The following L3MBTL4 variants were observed in gnomAD, a reference collection of about 807,000 sequenced individuals.
L3MBTL4 encodes the protein L3MBTL histone methyl-lysine binding protein 4.
In L3MBTL4, 70 loss-of-function variants were observed where a neutral mutation model predicts 84.5. That is an observed-to-expected ratio of 0.83 (90% confidence interval 0.68 to 1.01). The LOEUF (loss-of-function observed/expected upper bound fraction) is 1.01. L3MBTL4 is among the 50% of genes least tolerant of loss of function. L3MBTL4 has a pLI of 0.00. For synonymous variants in L3MBTL4, 274 were observed against 259.8 expected, an observed-to-expected ratio of 1.05 and a Z score of -0.52; for missense variants, 715 against 754.8, an observed-to-expected ratio of 0.95 and a Z score of 0.62.
At chr18:6,193,971 T>C (rs114784976) in intron 12 of L3MBTL4, among the ~76,000 whole-genome samples, 1,982 of 152,290 alleles carry the variant, frequency 0.013, 21 homozygotes, top group South Asian at 0.03. Flanking sequence ...GCTTGCTGCA[T>C]TCATGGCAGT....
At chr18:6,173,645 G>C (rs947128031) in intron 12 of L3MBTL4, among the ~76,000 whole-genome samples, 1 of 151,998 alleles carries the variant, frequency 6.6e-6, no homozygotes, top group African/African-American at 2.4e-5. Flanking sequence ...CCAGGTGTGT[G>C]GTGTGCACCT....
At chr18:6,387,486 T>G (rs2054872140) in intron 1 of L3MBTL4, among the ~76,000 whole-genome samples, 1 of 152,166 alleles carries the variant, frequency 6.6e-6, no homozygotes, top group Admixed American at 6.6e-5. Flanking sequence ...AAAGTGCATT[T>G]ATGGGAGCAG....
At chr18:5,985,734 G>A (rs537409403) in intron 16 of L3MBTL4, among the ~76,000 whole-genome samples, 1 of 152,302 alleles carries the variant, frequency 6.6e-6, no homozygotes, top group South Asian at 2.1e-4. Context: ...TGGGAGTAAG[G>A]GCAAAGTCTT....
chr18:6,091,116 T>TAGAGAAA (rs2058441708), intron 15 of L3MBTL4, among the ~76,000 whole-genome samples: 1 of 152,200 alleles, frequency 6.6e-6, no homozygotes, highest in African/African-American at 2.4e-5. Flanking sequence ...AGATTTGGGT[T>TAGAGAAA]AGAGAAAAGG....
intron 5 of L3MBTL4, among the ~76,000 whole-genome samples, chr18:6,246,343 A>G (rs1271731883): frequency 6.6e-6 from 1 of 152,162 alleles, no homozygotes; most frequent in Non-Finnish European, 1.5e-5. Flanking sequence ...TTGAATGTTT[A>G]TAGCTATTTT....
intron 13 of L3MBTL4, among the ~76,000 whole-genome samples, chr18:6,145,160 A>G (rs765179586): frequency 3.3e-5 from 5 of 152,222 alleles, no homozygotes; most frequent in Non-Finnish European, 7.3e-5. Context: ...AGATGATGTA[A>G]AAGATCAAGG....
rs116459420 is a variant in L3MBTL4 at position 6,399,485 on chromosome 18, T to C, written c.-91+15316A>G. 3.2e-3 allele frequency among the ~76,000 whole-genome samples: 483 copies of C among 152,210 alleles called. 3 individuals are homozygous for C. Among genetic ancestry groups the C allele is most frequent in the African/African-American group, 0.011 (450 of 41,554 alleles). ...AAGGAAACAGTGGCACCTAACTGTA[T>C]AAGTGGCTTTGTTCTTGAAGGTATA... On this transcript the variant is annotated intron_variant, in intron 1 of 18. Transcript: ENST00000317931.
At chr18:6,289,852 C>A (rs2049771130) in intron 4 of L3MBTL4, among the ~76,000 whole-genome samples, 1 of 152,178 alleles carries the variant, frequency 6.6e-6, no homozygotes, top group South Asian at 2.1e-4. Flanking sequence ...ACCTTGGACA[C>A]ATTTTTCCTG....
chr18:6,214,538 A>G (rs937329085), intron 11 of L3MBTL4, among the ~76,000 whole-genome samples: 1 of 152,242 alleles, frequency 6.6e-6, no homozygotes, highest in African/African-American at 2.4e-5. Flanking sequence ...CAAAAGGAAA[A>G]TAAAACCCAA....
intron 16 of L3MBTL4, among the ~76,000 whole-genome samples, chr18:6,037,566 G>T (rs1332354442): frequency 1.3e-5 from 2 of 152,230 alleles, no homozygotes; most frequent in Non-Finnish European, 2.9e-5. Context: ...GGAAATTTGT[G>T]CAGGGCACTT....
chr18:6,158,874 T>C (rs1296522453), intron 13 of L3MBTL4, among the ~76,000 whole-genome samples: 1 of 152,160 alleles, frequency 6.6e-6, no homozygotes, highest in Non-Finnish European at 1.5e-5. Context: ...AGCAGAAATC[T>C]GGTGTCAAGA....
chr18:6,016,304 G>A lies in L3MBTL4; in HGVS notation c.1445-46742C>T, dbSNP rs377329334. On this transcript the variant is annotated intron_variant, in intron 16 of 18. Coordinates refer to ENST00000317931, the MANE Select transcript of L3MBTL4 (RefSeq NM_001330559.2). ...CGGCTGGAATTTCGAACTACATGCT[G>A]CAGATACTGGGACGCCAACTACAAT... 6.6e-5 allele frequency among the ~76,000 whole-genome samples: 10 copies of A among 152,312 alleles called. No individual in the cohort carries two copies. In the East Asian group the frequency reaches 1.5e-3, roughly 23 times the overall value.
At chr18:6,225,140 T>C (rs2046725075) in intron 10 of L3MBTL4, among the ~76,000 whole-genome samples, 1 of 152,170 alleles carries the variant, frequency 6.6e-6, no homozygotes, top group African/African-American at 2.4e-5. Context: ...TCATAAACTT[T>C]CTTGAGCCCA....
chr18:6,072,224 T>A (rs1486265009), intron 16 of L3MBTL4, among the ~76,000 whole-genome samples: 2 of 152,158 alleles, frequency 1.3e-5, no homozygotes, highest in Non-Finnish European at 2.9e-5. Context: ...TAACACATTT[T>A]TTCAGGAATC....
chr18:5,992,046 C>T (rs971880963), intron 16 of L3MBTL4, among the ~76,000 whole-genome samples: 1 of 151,856 alleles, frequency 6.6e-6, no homozygotes. Context: ...AACATTATAC[C>T]AGGTTCTTGG....
chr18:6,039,592 A>G (rs2056308268), intron 16 of L3MBTL4, among the ~76,000 whole-genome samples: 2 of 152,300 alleles, frequency 1.3e-5, no homozygotes, highest in African/African-American at 4.8e-5. Context: ...CTGATATTTT[A>G]AAAATTAAGT....
chr18:6,079,085 C>T (rs189319291), intron 16 of L3MBTL4, among the ~76,000 whole-genome samples: 197 of 152,292 alleles, frequency 1.3e-3, no homozygotes, highest in African/African-American at 4.5e-3. Context: ...TTTGCTCCCT[C>T]GCCTGCCCTC....
chr18:5,956,301 A>C lies in L3MBTL4; in HGVS notation c.1764T>G (p.Ile588Met). The C allele has an allele frequency of 6.2e-7, 1 of 1,614,112 alleles. No individual in the cohort carries two copies. The highest frequency in any genetic ancestry group is 8.5e-7 in the Non-Finnish European group (1 of 1,179,974). The part of the protein sequence containing the change: ...MKIKLGPALK[I>M]YNSILMFRHS... Reference sequence around the variant, plus strand: ...GCCTGAACATCAGGATAGAGTTGTAAATCTTCAGTGCTGGGCCCAGTTTGA... The same window carrying C: ...GCCTGAACATCAGGATAGAGTTGTACATCTTCAGTGCTGGGCCCAGTTTGA... The change falls in exon 19 of 19, where the codon ATT (isoleucine) becomes ATG (methionine). Residue 588 changes from isoleucine (I) to methionine (M), a missense_variant. Ile to Met is a conservative substitution (Grantham distance 10, BLOSUM62 1). Coordinates refer to ENST00000317931, the MANE Select transcript of L3MBTL4 (RefSeq NM_001330559.2).
chr18:6,294,072 G>A (rs1328203437), intron 4 of L3MBTL4, among the ~76,000 whole-genome samples: 1 of 152,084 alleles, frequency 6.6e-6, no homozygotes, highest in East Asian at 1.9e-4. Context: ...TCGTACTGTG[G>A]TTGGGCAGGG....
Sources: gnomAD v4.1 joint callset for allele counts (sites outside exome capture counted in the v4.1 genomes callset) on GRCh38, gnomAD v4.1.1 for gene constraint, MANE v1.5 for transcripts, NCBI Gene and HGNC (gene_info 2026-07-23, HGNC 2026-07-21) for gene names.